SGCD: variants seen among roughly 807,000 people sequenced by gnomAD.
The protein encoded by SGCD is delta-sarcoglycan.
Under a neutral mutation model 36.6 loss-of-function variants are expected in SGCD, and 18 were observed. That is an observed-to-expected ratio of 0.49 (90% CI 0.34 to 0.73). SGCD has a LOEUF of 0.73. SGCD is among the 30% of genes least tolerant of loss of function. The pLI, the probability that SGCD is intolerant of heterozygous loss-of-function variation, is 0.01. For synonymous variants in SGCD, 133 were observed against 130.6 expected (o/e 1.02, Z -0.12); for missense variants, 387 against 346.7 (o/e 1.12, Z -0.92).
chr5:156,209,650 G>A (rs1764384240), intron 3 of SGCD, among the ~76,000 whole-genome samples: 1 of 152,176 alleles, frequency 6.6e-6, no homozygotes, highest in Admixed American at 6.5e-5. Context: ...CAGGTTGCAG[G>A]TTGGCCCCCA....
At position 156,059,478 on chromosome 5, in the gene SGCD, A is replaced by G. The variant is rs117754288; in HGVS notation, c.-281-58400A>G. Among the ~76,000 whole-genome samples the G allele has an allele frequency of 3.8e-4, 56 of 146,678 alleles. No individual in the cohort carries two copies. The East Asian group carries it at 0.01, about 26-fold the overall frequency. ...TTAGAAATCCAAGATTGCAACACAT[A>G]TAAGACTCTGTGAGGTTGGAGTGGC... On this transcript the variant is annotated intron_variant, in intron 1 of 9. Transcript: ENST00000517913.
the SGCD span, among the ~76,000 whole-genome samples, chr5:155,765,453 G>A: frequency 2.0e-5 from 3 of 150,272 alleles, no homozygotes; most frequent in Admixed American, 6.6e-5. Context: ...TGGGAGGGAG[G>A]AAGGAAGGAA....
At chr5:156,472,767 A>G (rs1470196975) in intron 3 of SGCD, among the ~76,000 whole-genome samples, 2 of 152,184 alleles carry the variant, frequency 1.3e-5, no homozygotes, top group African/African-American at 4.8e-5. Context: ...AGTGAAAGAA[A>G]CAAGACACCA....
At chr5:155,879,878 A>T (rs1291238654) in intron 1 of SGCD, among the ~76,000 whole-genome samples, 1 of 152,176 alleles carries the variant, frequency 6.6e-6, no homozygotes, top group South Asian at 2.1e-4. Context: ...GGCATGGTGT[A>T]GTTTGATTTA....
intron 3 of SGCD, among the ~76,000 whole-genome samples, chr5:156,412,964 T>G (rs946672666): frequency 9.9e-5 from 15 of 151,100 alleles, no homozygotes; most frequent in Non-Finnish European, 1.6e-4. Flanking sequence ...CCCAGCTAAT[T>G]TTTTTTGTAT....
intron 1 of SGCD, among the ~76,000 whole-genome samples, chr5:156,080,693 A>G (rs1760927116): frequency 6.6e-6 from 1 of 152,364 alleles, no homozygotes; most frequent in East Asian, 1.9e-4. Flanking sequence ...GTTCTTTGCT[A>G]TGGCATAAAA....
chr5:156,552,740 A>T (rs1449479164), intron 4 of SGCD, among the ~76,000 whole-genome samples: 1 of 152,176 alleles, frequency 6.6e-6, no homozygotes, highest in African/African-American at 2.4e-5. Context: ...AATACCAATA[A>T]AAGTAGTATA....
chr5:156,105,110 C>T (rs1016415632), intron 1 of SGCD, among the ~76,000 whole-genome samples: 2 of 152,026 alleles, frequency 1.3e-5, no homozygotes, highest in East Asian at 1.9e-4. Context: ...CAAACCTGCA[C>T]GTTGTGCACA....
intron 3 of SGCD, among the ~76,000 whole-genome samples, chr5:156,361,181 C>T (rs1325846686): frequency 6.6e-6 from 1 of 152,202 alleles, no homozygotes; most frequent in Non-Finnish European, 1.5e-5. Context: ...TGCGCTCCCT[C>T]CTGCAAGGGG....
intron 3 of SGCD, among the ~76,000 whole-genome samples, chr5:156,480,135 G>C (rs147973590): frequency 8.5e-4 from 130 of 152,336 alleles, no homozygotes; most frequent in African/African-American, 2.9e-3. Context: ...CCTTGGTCTT[G>C]AGGGTTGTCT....
chr5:156,350,564 C>T (rs1404839431), intron 3 of SGCD, among the ~76,000 whole-genome samples: 1 of 152,028 alleles, frequency 6.6e-6, no homozygotes, highest in African/African-American at 2.4e-5. Context: ...ACCAAGTTTT[C>T]TTTGTCTCAG....
At chr5:156,381,327 G>A (rs1158799442) in intron 3 of SGCD, among the ~76,000 whole-genome samples, 1 of 152,212 alleles carries the variant, frequency 6.6e-6, no homozygotes, top group African/African-American at 2.4e-5. Context: ...TAAGGCTGCT[G>A]ATGCAGAGAA....
chr5:155,792,780 G>A, the SGCD span, among the ~76,000 whole-genome samples: 1 of 152,182 alleles, frequency 6.6e-6, no homozygotes, highest in Non-Finnish European at 1.5e-5. Flanking sequence ...GTGGAGAAAA[G>A]GGAATGCTTA....
the SGCD span, among the ~76,000 whole-genome samples, chr5:155,846,731 C>T: frequency 6.6e-6 from 1 of 152,186 alleles, no homozygotes; most frequent in African/African-American, 2.4e-5. Context: ...CTCTGTATAA[C>T]ACAAAGTAAA....
intron 6 of SGCD, among the ~76,000 whole-genome samples, chr5:156,632,357 A>G (rs1231124369): frequency 6.6e-6 from 1 of 152,184 alleles, no homozygotes; most frequent in South Asian, 2.1e-4. Context: ...GTGTTCTAGT[A>G]TCCGAAGGAA....
chr5:156,622,480 T>TAA (rs55757946), intron 6 of SGCD, among the ~76,000 whole-genome samples: 4 of 142,456 alleles, frequency 2.8e-5, no homozygotes, highest in African/African-American at 1.0e-4. Flanking sequence ...ATAATAATAA[T>TAA]TTAGGGAAGG....
Position 156,032,833 on chromosome 5 carries a change from G to A in SGCD, c.-281-85045G>A, listed in dbSNP as rs530893426. Among the ~76,000 whole-genome samples the A allele has an allele frequency of 3.9e-4, 59 of 150,814 alleles. 1 individual carries two copies. Among genetic ancestry groups the A allele is most frequent in the Non-Finnish European group, 6.6e-4 (45 of 67,890 alleles). ...ATCTGTAATTGTAGCACTTTGGGAA[G>A]TAAAGGCAGGAGGATCTCTTAAGCC... On this transcript the variant is annotated intron_variant, in intron 1 of 9. Transcript: ENST00000517913.
At chr5:156,344,784 A>T (rs2127716849) in intron 3 of SGCD, 107 bp downstream of exon 3, 1 of 786,646 alleles carries the variant, frequency 1.3e-6, no homozygotes, top group African/African-American at 1.8e-5. Context: ...AGGACTCAAA[A>T]AATCTGTAAC....
chr5:155,763,845 C>A, the SGCD span, among the ~76,000 whole-genome samples: 16 of 143,930 alleles, frequency 1.1e-4, no homozygotes, highest in Admixed American at 1.1e-3. Flanking sequence ...TCATTCTTTC[C>A]CCCCTTCAAT....
Sources: gnomAD v4.1 joint callset for allele counts (sites outside exome capture counted in the v4.1 genomes callset) on GRCh38, gnomAD v4.1.1 for gene constraint, MANE v1.5 for transcripts, NCBI Gene and HGNC (gene_info 2026-07-23, HGNC 2026-07-21) for gene names.